Variants in PRAC2 observed in about 807,000 individuals in gnomAD.
PRAC2 encodes the protein protein PRAC2.
For missense variants in PRAC2, 92 were observed against 114.5 expected, an observed-to-expected ratio of 0.80 and a Z score of 0.90; for synonymous variants, 43 against 49.5, an observed-to-expected ratio of 0.87 and a Z score of 0.55.
At position 48,724,487 on chromosome 17, in the gene PRAC2, T is replaced by C; in HGVS notation, c.77T>C (p.Val26Ala). 1 of 1,234,092 alleles carries C rather than the reference T, an allele frequency of 8.1e-7. No individual in the cohort carries two copies. Among genetic ancestry groups the C allele is most frequent in the East Asian group, 3.2e-5 (1 of 31,658 alleles). 76.4% of individuals were successfully genotyped at this position (1,234,092 alleles called of 1,614,324 possible). A position where few individuals can be genotyped will look rare whatever the true frequency, so the allele number is the denominator to read the frequency against. Residue 26 changes from valine (V) to alanine (A), a missense_variant, in exon 2 of 2, where the codon GTA (valine) becomes GCA (alanine). By Grantham distance (64) the Val-to-Ala change is moderately conservative. Coordinates refer to ENST00000422730, the MANE Select transcript of PRAC2 (RefSeq NM_001282275.2). The stretch of plus-strand genomic sequence containing the variant: ...TTCTTCTTCCATTCGAGATGGCTCG[T>C]ACCGAACCTCCTTGCCTTCTTCCTG... The part of the protein sequence containing the change: ...TAFFFHSRWL[V>A]PNLLAFFLGL...
chr17:48,722,206 A>G (rs2038152965), upstream of PRAC2: 8 of 930,626 alleles, frequency 8.6e-6, no homozygotes, highest in East Asian at 2.0e-4. Context: ...CTTGTTTCCC[A>G]AAACTTCTGA....
intron 1 of PRAC2, chr17:48,723,886 C>G (rs776157616): frequency 1.4e-5 from 10 of 740,202 alleles, no homozygotes; most frequent in Non-Finnish European, 1.9e-5. Context: ...TAGACGCGAC[C>G]CTGTGATCCC....
chr17:48,719,275 G>A (rs1442120878), upstream of PRAC2, among the ~76,000 whole-genome samples: 1 of 151,908 alleles, frequency 6.6e-6, no homozygotes, highest in Non-Finnish European at 1.5e-5. Context: ...GTCTGAGCAG[G>A]CCGCTCCTCG....
At chr17:48,723,675 G>C in intron 1 of PRAC2, 1 of 1,231,200 alleles carries the variant, frequency 8.1e-7, no homozygotes, top group Non-Finnish European at 1.0e-6. Flanking sequence ...GTTCCCGGAA[G>C]CGCTAGCCAG....
At chr17:48,721,038 G>A (rs1183196866), upstream of PRAC2, among the ~76,000 whole-genome samples, 2 of 152,198 alleles carry the variant, frequency 1.3e-5, no homozygotes, top group African/African-American at 4.8e-5. Context: ...ATTATGGGAG[G>A]GGGAACTGGC....
At chr17:48,718,857 T>C (rs1370712801), upstream of PRAC2, among the ~76,000 whole-genome samples, 1 of 152,126 alleles carries the variant, frequency 6.6e-6, no homozygotes, top group Non-Finnish European at 1.5e-5. Context: ...AGGGAGAGCA[T>C]TATCTGGCTA....
chr17:48,722,647 A>T (rs1055036868), upstream of PRAC2: 6 of 492,360 alleles, frequency 1.2e-5, no homozygotes, highest in Non-Finnish European at 1.8e-5. Flanking sequence ...GTCTCCTCCC[A>T]GCAGCCTCCT....
At chr17:48,719,503 C>A (rs913736667), upstream of PRAC2, among the ~76,000 whole-genome samples, 1 of 152,134 alleles carries the variant, frequency 6.6e-6, no homozygotes, top group East Asian at 1.9e-4. Context: ...GACAGCCCCC[C>A]GGATAACCCC....
chr17:48,723,126 G>C (rs891605406), upstream of PRAC2: 22 of 152,380 alleles, frequency 1.4e-4, no homozygotes, highest in African/African-American at 5.3e-4. Context: ...GCCCAGGCCA[G>C]TGCCTGGGGG....
chr17:48,722,244 T>C, upstream of PRAC2: 1 of 1,288,080 alleles, frequency 7.8e-7, no homozygotes, highest in Non-Finnish European at 1.1e-6. Context: ...GGAGACCCTC[T>C]CCCAGGGCCT....
chr17:48,724,304 C>T, intron 1 of PRAC2, 24 bp from the exon 2 acceptor site: 1 of 1,204,024 alleles, frequency 8.3e-7, no homozygotes, highest in East Asian at 3.2e-5. Context: ...TAATACAAAA[C>T]GAAATTAAAT....
At chr17:48,720,967 T>C (rs2038139537), upstream of PRAC2, among the ~76,000 whole-genome samples, 1 of 152,196 alleles carries the variant, frequency 6.6e-6, no homozygotes, top group Admixed American at 6.5e-5. Flanking sequence ...ATCAAGTAAC[T>C]TACCCTCTTA....
chr17:48,723,260 C>G lies in PRAC2; in HGVS notation c.-137C>G, dbSNP rs1300651743. 1.3e-5 allele frequency: 2 copies of G among 155,446 alleles called. No homozygotes were observed. The allele number at this position is 155,446 out of a possible 1,614,324, so 9.6% of individuals were successfully genotyped here. A position where few individuals can be genotyped will look rare whatever the true frequency, so the allele number is the denominator to read the frequency against. ...GGTATAAATTTCAAAAACAACGAAA[C>G]CTTCTTTTGCCCCCTCCGCAGCAGT... On this transcript the variant is annotated 5_prime_UTR_variant, in exon 1 of 2. Coordinates refer to ENST00000422730, the MANE Select transcript of PRAC2 (RefSeq NM_001282275.2).
chr17:48,723,790 G>A, intron 1 of PRAC2: 1 of 1,229,184 alleles, frequency 8.1e-7, no homozygotes, highest in Non-Finnish European at 1.0e-6. Flanking sequence ...TACGCATTGC[G>A]CCACTACTCC....
At chr17:48,722,804 A>C (rs1206665031), upstream of PRAC2, among the ~76,000 whole-genome samples, 1 of 152,188 alleles carries the variant, frequency 6.6e-6, no homozygotes, top group Non-Finnish European at 1.5e-5. Flanking sequence ...ACTTTTAGGA[A>C]AATGGGGGCG....
At chr17:48,721,650 GC>G (rs1414946178), upstream of PRAC2, 1 of 733,120 alleles carries the variant, frequency 1.4e-6, no homozygotes, top group African/African-American at 1.8e-5. Context: ...AAGGCCCAGA[GC>G]TTTTGCCTTA....
upstream of PRAC2, among the ~76,000 whole-genome samples, chr17:48,722,872 TC>T (rs1218267943): frequency 6.6e-6 from 1 of 151,696 alleles, no homozygotes; most frequent in Non-Finnish European, 1.5e-5. Flanking sequence ...TCCCTGACCC[TC>T]CCCCCAGGCT....
upstream of PRAC2, chr17:48,721,823 C>T (rs377415181): frequency 1.3e-6 from 2 of 1,542,418 alleles, no homozygotes; most frequent in East Asian, 2.5e-5. Context: ...CCTGCCTCGG[C>T]CTCCCGAAAT....
chr17:48,721,729 TA>T, upstream of PRAC2: 1 of 1,346,546 alleles, frequency 7.4e-7, no homozygotes, highest in Non-Finnish European at 9.6e-7. Context: ...TTTCCTTTTT[TA>T]AAAAAATTTT....
Sources: gnomAD v4.1 joint callset for allele counts (sites outside exome capture counted in the v4.1 genomes callset) on GRCh38, gnomAD v4.1.1 for gene constraint, MANE v1.5 for transcripts, NCBI Gene and HGNC (gene_info 2026-07-23, HGNC 2026-07-21) for gene names.